ADAM12: variants seen among roughly 807,000 people sequenced by gnomAD.
ADAM12 encodes disintegrin and metalloproteinase domain-containing protein 12.
A neutral mutation model predicts 106.4 loss-of-function variants in ADAM12; 70 were observed. That is an observed-to-expected ratio of 0.66 (90% CI 0.54 to 0.80). ADAM12 has a LOEUF of 0.80. Ranked by LOEUF, ADAM12 falls within the 30% of genes least tolerant of loss-of-function variation. The probability of loss-of-function intolerance (pLI) is 0.00; values close to 1 mark genes in which losing one functional copy is unlikely to be tolerated. For missense variants in ADAM12, 1,010 were observed against 1,171.9 expected (o/e 0.86, Z 2.02); for synonymous variants, 420 against 433.5 (o/e 0.97, Z 0.39).
At chr10:126,174,295 C>T (rs1179332480) in intron 3 of ADAM12, among the ~76,000 whole-genome samples, 1 of 151,788 alleles carries the variant, frequency 6.6e-6, no homozygotes, top group Admixed American at 6.6e-5. Context: ...CCACCAAATA[C>T]TTCATTGCAT....
chr10:126,386,034 T>C (rs1042357603), intron 1 of ADAM12, among the ~76,000 whole-genome samples: 4 of 152,002 alleles, frequency 2.6e-5, no homozygotes, highest in African/African-American at 9.7e-5. Flanking sequence ...CTTCGGGATG[T>C]AAGGAAGTGG....
chr10:126,381,921 G>A (rs1251625678), intron 1 of ADAM12, among the ~76,000 whole-genome samples: 1 of 151,350 alleles, frequency 6.6e-6, no homozygotes, highest in African/African-American at 2.4e-5. Context: ...GCTGCAGTGA[G>A]CTATGATTGC....
intron 21 of ADAM12, among the ~76,000 whole-genome samples, chr10:126,023,861 T>TAAGGAA (rs1953816194): frequency 6.6e-6 from 1 of 150,602 alleles, no homozygotes; most frequent in African/African-American, 2.5e-5. Context: ...AGAACACACC[T>TAAGGAA]GCATCCTAGG....
intron 22 of ADAM12, among the ~76,000 whole-genome samples, chr10:126,017,825 A>G (rs1278979966): frequency 2.0e-5 from 3 of 152,264 alleles, no homozygotes; most frequent in Non-Finnish European, 2.9e-5. Context: ...GGCACCCAGT[A>G]TCCCTAAAAA....
intron 1 of ADAM12, among the ~76,000 whole-genome samples, chr10:126,349,842 G>T (rs1855285891): frequency 6.6e-6 from 1 of 152,176 alleles, no homozygotes; most frequent in African/African-American, 2.4e-5. Flanking sequence ...AGCAGAAAAA[G>T]ATTACATAAT....
At chr10:126,267,256 T>G (rs2133725100) in intron 3 of ADAM12, among the ~76,000 whole-genome samples, 2 of 152,240 alleles carry the variant, frequency 1.3e-5, no homozygotes, top group South Asian at 2.1e-4. Flanking sequence ...GTCCCCAAAC[T>G]TTTTGGCACC....
chr10:126,362,399 C>A (rs565966013), intron 1 of ADAM12, among the ~76,000 whole-genome samples: 2 of 152,040 alleles, frequency 1.3e-5, no homozygotes, highest in South Asian at 4.2e-4. Flanking sequence ...AATAATATTA[C>A]CATATGACCC....
intron 3 of ADAM12, among the ~76,000 whole-genome samples, chr10:126,161,734 G>A (rs922320358): frequency 1.3e-5 from 2 of 152,052 alleles, no homozygotes; most frequent in African/African-American, 4.8e-5. Flanking sequence ...AAAAGGGGCC[G>A]GGAGTCAAAG....
chr10:126,255,906 G>C (rs1958882039), intron 3 of ADAM12, among the ~76,000 whole-genome samples: 1 of 152,188 alleles, frequency 6.6e-6, no homozygotes, highest in Non-Finnish European at 1.5e-5. Context: ...AGTGCAGGCT[G>C]TCCAAGGGCC....
intron 4 of ADAM12, among the ~76,000 whole-genome samples, chr10:126,140,699 T>C (rs1237228356): frequency 6.6e-6 from 1 of 152,260 alleles, no homozygotes. Flanking sequence ...AATGACAATT[T>C]CGTGAAATTT....
chr10:126,321,904 T>TGGGGGGGGGGGG (rs371286030), intron 2 of ADAM12, among the ~76,000 whole-genome samples: 1 of 88,700 alleles, frequency 1.1e-5, no homozygotes, highest in Non-Finnish European at 2.4e-5. Context: ...TACCTGGGGG[T>TGGGGGGGGGGGG]CGGGGGGGGG....
intron 1 of ADAM12, among the ~76,000 whole-genome samples, chr10:126,362,124 G>T (rs1855763533): frequency 6.6e-6 from 1 of 152,000 alleles, no homozygotes; most frequent in Admixed American, 6.5e-5. Context: ...ATGGGCAAGG[G>T]ACCAGACTAG....
chr10:126,237,727 G>C lies in ADAM12; in HGVS notation c.260+41188C>G, dbSNP rs528556208. On this transcript the variant is annotated intron_variant, in intron 3 of 22. Transcript: ENST00000448723. ...TGTAGCAAAACGTTCCCAATCACAC[G>C]CTGACAATCAGCCCATTGCATATGA... Among the ~76,000 whole-genome samples the C allele has an allele frequency of 9.9e-5, 15 of 152,208 alleles. No homozygotes were observed. In the South Asian group the frequency reaches 3.1e-3, roughly 32 times the overall value.
intron 11 of ADAM12, among the ~76,000 whole-genome samples, chr10:126,076,807 T>C (rs2133514530): frequency 6.6e-6 from 1 of 152,340 alleles, no homozygotes; most frequent in East Asian, 1.9e-4. Flanking sequence ...CTGTAGGCTG[T>C]CTGTTGGTAA....
At chr10:126,178,472 A>G (rs1470986108) in intron 3 of ADAM12, among the ~76,000 whole-genome samples, 1 of 145,716 alleles carries the variant, frequency 6.9e-6, no homozygotes, top group African/African-American at 2.6e-5. Context: ...GTAGCAATTG[A>G]AACATTACAC....
chr10:126,088,937 G>T (rs1409417128), intron 11 of ADAM12, among the ~76,000 whole-genome samples: 3 of 152,112 alleles, frequency 2.0e-5, no homozygotes, highest in African/African-American at 7.2e-5. Flanking sequence ...GATTGCAGAA[G>T]GTCTGACCTC....
intron 3 of ADAM12, among the ~76,000 whole-genome samples, chr10:126,165,074 T>TC: frequency 6.6e-6 from 1 of 152,194 alleles, no homozygotes; most frequent in South Asian, 2.1e-4. Flanking sequence ...AAGCAAAGCA[T>TC]CGCGGCCACC....
intron 3 of ADAM12, among the ~76,000 whole-genome samples, chr10:126,277,568 C>T (rs1031829624): frequency 5.3e-5 from 8 of 151,994 alleles, no homozygotes; most frequent in Admixed American, 4.6e-4. Flanking sequence ...AATGTGTGCC[C>T]CTCGATATTC....
rs556607854 is a variant in ADAM12, at chr10:126,106,568, C to A, written c.741+2025G>T. ...TGGCGTGATCTCGGCTCACTGCAACCTCTGCTTCCCGGGTTCAAGCAATTC... is the reference window on the plus strand; with the variant it reads ...TGGCGTGATCTCGGCTCACTGCAACATCTGCTTCCCGGGTTCAAGCAATTC... On this transcript the variant is annotated intron_variant, in intron 8 of 22. Coordinates refer to ENST00000448723, the MANE Select transcript of ADAM12 (RefSeq NM_001288973.2). Among the ~76,000 whole-genome samples the A allele has an allele frequency of 4.0e-5, 6 of 151,190 alleles. No homozygotes were observed. The South Asian group carries it at 1.3e-3, about 32-fold the overall frequency.
Sources: allele counts gnomAD v4.1 joint callset (sites outside exome capture counted in the v4.1 genomes callset), GRCh38; gene constraint gnomAD v4.1.1; transcripts MANE v1.5; gene names NCBI Gene and HGNC (gene_info 2026-07-23, HGNC 2026-07-21).